Variants in NRG3 observed in about 807,000 individuals in gnomAD.
NRG3 encodes the protein pro-neuregulin-3, membrane-bound isoform.
In NRG3, 31 loss-of-function variants were observed where a neutral mutation model predicts 66.9. The observed-to-expected ratio is 0.46, with a 90% CI of 0.35 to 0.63. The LOEUF is 0.63. Among genes scored for constraint, NRG3 ranks in the 20% least tolerant of loss-of-function variants. The probability of loss-of-function intolerance (pLI) is 0.00; values close to 1 mark genes in which losing one functional copy is unlikely to be tolerated. For missense variants in NRG3, 910 were observed against 878.9 expected, an observed-to-expected ratio of 1.04 and a Z score of -0.45; for synonymous variants, 393 against 359.4, an observed-to-expected ratio of 1.09 and a Z score of -1.06.
intron 2 of NRG3, among the ~76,000 whole-genome samples, chr10:82,594,424 T>C (rs1484096377): frequency 1.3e-5 from 2 of 152,174 alleles, no homozygotes; most frequent in African/African-American, 4.8e-5. Flanking sequence ...TTTGTAATTA[T>C]TGGAGAAAAG....
At chr10:82,220,297 A>G (rs889704830) in intron 1 of NRG3, among the ~76,000 whole-genome samples, 7 of 152,116 alleles carry the variant, frequency 4.6e-5, no homozygotes, top group Non-Finnish European at 1.0e-4. Flanking sequence ...AATACAGACC[A>G]TATTTTCAGG....
intron 2 of NRG3, among the ~76,000 whole-genome samples, chr10:82,491,337 C>G (rs1202498178): frequency 1.0e-5 from 1 of 99,042 alleles, no homozygotes; most frequent in Non-Finnish European, 2.4e-5. Context: ...GCATCGCTTT[C>G]TAACACTCTA....
At chr10:82,396,814 T>C (rs2086743546) in intron 2 of NRG3, among the ~76,000 whole-genome samples, 1 of 152,164 alleles carries the variant, frequency 6.6e-6, no homozygotes, top group South Asian at 2.1e-4. Flanking sequence ...TGTGTGTGTG[T>C]GTGCATGTGG....
At chr10:82,295,991 C>T (rs1245603703) in intron 1 of NRG3, among the ~76,000 whole-genome samples, 7 of 151,946 alleles carry the variant, frequency 4.6e-5, no homozygotes, top group Non-Finnish European at 7.4e-5. Context: ...AAGAAGAGAT[C>T]CTGGTGCAGT....
intron 7 of NRG3, among the ~76,000 whole-genome samples, chr10:82,976,976 A>G (rs1369165131): frequency 6.6e-6 from 1 of 152,098 alleles, no homozygotes; most frequent in African/African-American, 2.4e-5. Flanking sequence ...TTTGCCCTCG[A>G]ACACTTATCA....
intron 2 of NRG3, among the ~76,000 whole-genome samples, chr10:82,624,242 A>G (rs2049250100): frequency 6.6e-6 from 1 of 152,166 alleles, no homozygotes; most frequent in South Asian, 2.1e-4. Context: ...TGAAATCTGT[A>G]CATTTTATTA....
intron 2 of NRG3, among the ~76,000 whole-genome samples, chr10:82,470,717 C>T (rs1305951875): frequency 6.6e-6 from 1 of 152,206 alleles, no homozygotes; most frequent in African/African-American, 2.4e-5. Flanking sequence ...TTGCTGTTAG[C>T]TCCAGCTCTG....
chr10:81,912,659 A>C (rs924814823), intron 1 of NRG3, among the ~76,000 whole-genome samples: 1 of 152,196 alleles, frequency 6.6e-6, no homozygotes, highest in African/African-American at 2.4e-5. Context: ...TTGGTGAATG[A>C]CATTTATGGT....
chr10:82,377,850 G>T (rs1049946037), intron 2 of NRG3, among the ~76,000 whole-genome samples: 3 of 152,198 alleles, frequency 2.0e-5, no homozygotes, highest in Non-Finnish European at 4.4e-5. Context: ...TACAAATCAG[G>T]TTGGATTGGG....
chr10:82,492,590 G>A (rs1843249394), intron 2 of NRG3, among the ~76,000 whole-genome samples: 1 of 152,190 alleles, frequency 6.6e-6, no homozygotes, highest in Non-Finnish European at 1.5e-5. Context: ...GGAGCTAAAA[G>A]TAGTCTTAGG....
chr10:81,935,743 C>A (rs112230445), intron 1 of NRG3, among the ~76,000 whole-genome samples: 5 of 152,184 alleles, frequency 3.3e-5, no homozygotes, highest in African/African-American at 1.2e-4. Flanking sequence ...TCAGGACCAC[C>A]TCCTCTGAGG....
intron 1 of NRG3, among the ~76,000 whole-genome samples, chr10:82,255,471 C>T (rs1453144705): frequency 1.3e-5 from 2 of 152,042 alleles, no homozygotes; most frequent in Non-Finnish European, 2.9e-5. Flanking sequence ...ACCATATTAA[C>T]GTAGGAGGTA....
At chr10:82,408,778 G>A (rs1478133471) in intron 2 of NRG3, among the ~76,000 whole-genome samples, 3 of 151,790 alleles carry the variant, frequency 2.0e-5, no homozygotes, top group Non-Finnish European at 4.4e-5. Flanking sequence ...TAACGCAAGA[G>A]AGAGGAAGTC....
chr10:81,902,431 A>G (rs910584), intron 1 of NRG3, among the ~76,000 whole-genome samples: 29,507 of 151,946 alleles, frequency 0.19, 3,683 homozygotes, highest in East Asian at 0.44. Flanking sequence ...TTAGGTCATG[A>G]GGGTGGAGCC....
At chr10:82,326,934 G>A (rs2081902585) in intron 1 of NRG3, among the ~76,000 whole-genome samples, 1 of 152,124 alleles carries the variant, frequency 6.6e-6, no homozygotes, top group Non-Finnish European at 1.5e-5. Context: ...TAAAAAATAA[G>A]GTGATCCAGA....
intron 1 of NRG3, among the ~76,000 whole-genome samples, chr10:82,015,063 T>A (rs1392067098): frequency 6.6e-6 from 1 of 152,158 alleles, no homozygotes; most frequent in Admixed American, 6.5e-5. Flanking sequence ...CAAGACCACA[T>A]CAGAAGTTTT....
chr10:82,716,054 A>T (rs1421538051), intron 2 of NRG3, among the ~76,000 whole-genome samples: 1 of 152,208 alleles, frequency 6.6e-6, no homozygotes, highest in Non-Finnish European at 1.5e-5. Context: ...CAACATATAA[A>T]CTTTGGAAGA....
chr10:82,607,960 C>A (rs910879883), intron 2 of NRG3, among the ~76,000 whole-genome samples: 1 of 152,104 alleles, frequency 6.6e-6, no homozygotes, highest in African/African-American at 2.4e-5. Context: ...CCATTATTAT[C>A]TTGACAAACT....
chr10:82,532,941 T>C (rs900901702), intron 2 of NRG3, among the ~76,000 whole-genome samples: 1 of 151,622 alleles, frequency 6.6e-6, no homozygotes, highest in East Asian at 1.9e-4. Flanking sequence ...CCAACACATG[T>C]TATTTTCTGG....
Sources: gnomAD v4.1 joint callset for allele counts (sites outside exome capture counted in the v4.1 genomes callset) on GRCh38, gnomAD v4.1.1 for gene constraint, MANE v1.5 for transcripts, NCBI Gene and HGNC (gene_info 2026-07-23, HGNC 2026-07-21) for gene names.